The following GALNT7 variants were observed in gnomAD, a reference collection of about 807,000 sequenced individuals.
GALNT7 encodes the protein N-acetylgalactosaminyltransferase 7.
A neutral mutation model predicts 82.1 loss-of-function variants in GALNT7; 60 were observed. The observed-to-expected ratio is 0.73, with a 90% CI of 0.59 to 0.91. The LOEUF (loss-of-function observed/expected upper bound fraction) is 0.91. Ranked by LOEUF, GALNT7 falls within the 40% of genes least tolerant of loss-of-function variation. GALNT7 has a pLI of 0.00. For missense variants in GALNT7, 660 were observed against 804.2 expected, an observed-to-expected ratio of 0.82 and a Z score of 2.17; for synonymous variants, 243 against 275.1, an observed-to-expected ratio of 0.88 and a Z score of 1.15.
intron 1 of GALNT7, among the ~76,000 whole-genome samples, chr4:173,188,768 C>G (rs192279548): frequency 2.0e-5 from 3 of 152,296 alleles, no homozygotes; most frequent in African/African-American, 7.2e-5. Flanking sequence ...CAGGATCTAC[C>G]TGTTCTCTGA....
chr4:173,169,385 G>A (rs1454378986), intron 1 of GALNT7: 1 of 151,182 alleles, frequency 6.6e-6, no homozygotes, highest in East Asian at 2.0e-4. Flanking sequence ...GCGGCCTGTG[G>A]CGCGTGCAGG....
chr4:173,292,022 G>A lies in GALNT7; in HGVS notation c.588-86G>A. ...CTTACCGTAGTTAAGTCGATAGTAT[G>A]TAATCCAATCAGCAAATATAGTCAG... On this transcript the variant is annotated intron_variant, in intron 2 of 11. Coordinates refer to ENST00000265000, the MANE Select transcript of GALNT7 (RefSeq NM_017423.3). This position sits in a 1 kb window ranked among gnomAD's most constrained non-coding sequence, Gnocchi z 4.8. The A allele has an allele frequency of 3.7e-6, 3 of 814,566 alleles. No individual in the cohort carries two copies. The South Asian group carries it at 4.9e-5, about 13-fold the overall frequency. The allele number at this position is 814,566 out of a possible 1,614,324, so 50.5% of individuals were successfully genotyped here.
intron 8 of GALNT7, among the ~76,000 whole-genome samples, chr4:173,313,030 T>A (rs1363518593): frequency 6.6e-6 from 1 of 151,970 alleles, no homozygotes; most frequent in East Asian, 1.9e-4. Context: ...CTGCACTCCA[T>A]CCTTGGTGAC....
At chr4:173,265,728 ATT>A (rs1177158045) in intron 2 of GALNT7, among the ~76,000 whole-genome samples, 2 of 140,686 alleles carry the variant, frequency 1.4e-5, no homozygotes, top group Non-Finnish European at 3.0e-5. Context: ...GCAATATGGG[ATT>A]GTCTTGAATT....
chr4:173,288,557 G>C (rs1736425098), intron 2 of GALNT7, among the ~76,000 whole-genome samples: 1 of 152,096 alleles, frequency 6.6e-6, no homozygotes, highest in Non-Finnish European at 1.5e-5. Flanking sequence ...GCAGAAGTTA[G>C]AGAGGTTTGG....
chr4:173,225,205 T>C (rs1229169008), intron 1 of GALNT7, among the ~76,000 whole-genome samples: 1 of 152,090 alleles, frequency 6.6e-6, no homozygotes, highest in African/African-American at 2.4e-5. Context: ...GTGAAATCTG[T>C]TTTACTTTGG....
chr4:173,200,371 A>G (rs1732908224), intron 1 of GALNT7, among the ~76,000 whole-genome samples: 2 of 152,120 alleles, frequency 1.3e-5, no homozygotes, highest in East Asian at 1.9e-4. Flanking sequence ...AGTTATCTGT[A>G]TATGTCATAC....
chr4:173,313,122 G>C (rs530044444), intron 8 of GALNT7, among the ~76,000 whole-genome samples: 51 of 151,978 alleles, frequency 3.4e-4, no homozygotes, highest in African/African-American at 1.2e-3. Context: ...CAGTCCATTT[G>C]GGGTTATAGT....
intron 2 of GALNT7, among the ~76,000 whole-genome samples, chr4:173,288,280 C>A (rs1219550572): frequency 1.9e-5 from 1 of 53,870 alleles, no homozygotes; most frequent in African/African-American, 1.7e-4. Flanking sequence ...GAGACTCCAT[C>A]TCAAAAAAAA....
At chr4:173,295,571 T>C in intron 4 of GALNT7, 45 bp downstream of exon 4, 1 of 1,573,960 alleles carries the variant, frequency 6.4e-7, no homozygotes, top group Non-Finnish European at 8.7e-7. Flanking sequence ...TTGGGTTTGG[T>C]AACTAAATCA....
chr4:173,313,943 A>T lies in GALNT7; in HGVS notation c.1390-15A>T, dbSNP rs73872552. 0.068 allele frequency: 61,298 copies of T among 898,908 alleles called. 2,124 individuals are homozygous for T. The highest frequency in any genetic ancestry group is 0.16 in the African/African-American group (8,862 of 56,654). 55.7% of individuals were successfully genotyped at this position (898,908 alleles called of 1,614,324 possible). The stretch of plus-strand genomic sequence containing the variant: ...TTTTTATAACGATATATATATATAT[A>T]TTTTTTTTTTACAGAATTATGTTAG... On this transcript the variant is annotated splice_polypyrimidine_tract_variant and intron_variant, in intron 8 of 11. Coordinates refer to ENST00000265000, the MANE Select transcript of GALNT7 (RefSeq NM_017423.3).
At chr4:173,268,193 T>C (rs891145770) in intron 2 of GALNT7, 2 of 154,606 alleles carry the variant, frequency 1.3e-5, no homozygotes, top group Non-Finnish European at 2.9e-5. Flanking sequence ...GTTTTTGCAA[T>C]TTTTTAATGA....
At chr4:173,293,989 G>A (rs1736629366) in intron 3 of GALNT7, among the ~76,000 whole-genome samples, 1 of 152,192 alleles carries the variant, frequency 6.6e-6, no homozygotes, top group African/African-American at 2.4e-5. Context: ...GGTTAGGGAG[G>A]ATAATTTTCA....
intron 9 of GALNT7, among the ~76,000 whole-genome samples, chr4:173,315,162 G>T (rs78336599): frequency 0.037 from 5,561 of 152,310 alleles, 165 homozygotes; most frequent in Non-Finnish European, 0.054. Flanking sequence ...TCAGAGAGTG[G>T]AGATGAAGGG....
chr4:173,191,907 G>A (rs1169099070), intron 1 of GALNT7, among the ~76,000 whole-genome samples: 3 of 152,152 alleles, frequency 2.0e-5, no homozygotes, highest in Non-Finnish European at 2.9e-5. Flanking sequence ...GGAGAGAAAG[G>A]TAACTAAGAT....
rs943858931 is a variant in GALNT7 at position 173,318,690 on chromosome 4, C to T, written c.1836+131C>T. On this transcript the variant is annotated intron_variant, in intron 11 of 11. Transcript: ENST00000265000. ...CTTGCATTTTCCTCTCATTTAGTCC[C>T]TTGCATAGGTTTTCCTGAGCACTGG... is the stretch of plus-strand genomic sequence containing the variant. 1.3e-5 allele frequency: 8 copies of T among 607,944 alleles called. No individual in the cohort carries two copies. In the Admixed American group the frequency reaches 2.3e-4, roughly 17 times the overall value. 37.7% of individuals were successfully genotyped at this position (607,944 alleles called of 1,614,324 possible).
At chr4:173,176,643 A>G (rs1732052585) in intron 1 of GALNT7, among the ~76,000 whole-genome samples, 1 of 152,220 alleles carries the variant, frequency 6.6e-6, no homozygotes, top group Non-Finnish European at 1.5e-5. Flanking sequence ...AGAAAGGAGC[A>G]TCTAGTGTAT....
At chr4:173,238,274 A>G (rs963844126) in intron 1 of GALNT7, among the ~76,000 whole-genome samples, 8 of 152,130 alleles carry the variant, frequency 5.3e-5, no homozygotes, top group African/African-American at 1.7e-4. Context: ...ATAATGTGGT[A>G]AGATATTTCT....
chr4:173,248,445 GCA>G lies in GALNT7; in HGVS notation c.587+10_587+11del, dbSNP rs777266086. 1 of 1,551,296 alleles carries G rather than the reference GCA, an allele frequency of 6.4e-7. No homozygotes were observed. The highest frequency in any genetic ancestry group is 2.3e-5 in the East Asian group (1 of 44,382). ...CAATGACTTACGCCAAGAAGAGTAA[GCA>G]CACATCCTCTTCTTTCTAAAAATGG... On this transcript the variant is annotated splice_donor_region_variant and intron_variant, in intron 2 of 11. Coordinates refer to ENST00000265000, the MANE Select transcript of GALNT7 (RefSeq NM_017423.3).
Sources: gnomAD v4.1 joint callset for allele counts (sites outside exome capture counted in the v4.1 genomes callset) on GRCh38, gnomAD v4.1.1 for gene constraint, Gnocchi (gnomAD v3.1) non-coding constraint, MANE v1.5 for transcripts, NCBI Gene and HGNC (gene_info 2026-07-23, HGNC 2026-07-21) for gene names.